Variants in EPB42 observed in about 807,000 individuals in gnomAD.
EPB42 encodes erythrocyte membrane protein band 4.2.
In EPB42, 49 loss-of-function variants were observed where a neutral mutation model predicts 76.9. The observed-to-expected ratio is 0.64, with a 90% CI of 0.51 to 0.81. The LOEUF is 0.81. EPB42 is among the 30% of genes least tolerant of loss of function. EPB42 has a pLI of 0.00. For missense variants in EPB42, 731 were observed against 867.6 expected (o/e 0.84, Z 1.98); for synonymous variants, 310 against 338.4 (o/e 0.92, Z 0.92).
At chr15:43,224,759 C>T (rs1195837423), upstream of EPB42, among the ~76,000 whole-genome samples, 1 of 152,168 alleles carries the variant, frequency 6.6e-6, no homozygotes, top group Non-Finnish European at 1.5e-5. Flanking sequence ...GTGGAACAAT[C>T]TCCAAGCTTG....
At position 43,209,279 on chromosome 15, in the gene EPB42, C is replaced by A; in HGVS notation, c.827G>T (p.Cys276Phe). 1 of 1,614,094 alleles carries A rather than the reference C, an allele frequency of 6.2e-7. No homozygotes were observed. The highest frequency in any genetic ancestry group is 1.1e-5 in the South Asian group (1 of 91,084). ...CAGGAGACAAGGGGACCAACCTGTG[C>A]AAGCAACAGCAGCCAACACCCAGGC... ...GQAWVLAAVA[C>F]TVLRCLGIPA... Residue 276 changes from cysteine to phenylalanine, a missense_variant, in exon 6 of 13, where the codon TGC (cysteine) becomes TTC (phenylalanine). Physicochemically the swap from Cys to Phe is radical, Grantham distance 205. Coordinates refer to ENST00000441366, the MANE Select transcript of EPB42 (RefSeq NM_001114134.2).
At chr15:43,207,090 T>G in intron 9 of EPB42, 109 bp downstream of exon 9, 1 of 1,522,708 alleles carries the variant, frequency 6.6e-7, no homozygotes, top group Non-Finnish European at 9.0e-7. Context: ...CTGTTTTATA[T>G]GATGCGGAAA....
intron 7 of EPB42, 147 bp from the exon 8 acceptor site, chr15:43,208,480 G>T: frequency 5.0e-6 from 7 of 1,405,818 alleles, no homozygotes; most frequent in Non-Finnish European, 7.0e-6. Context: ...AGGAAGGGGC[G>T]TGCACACCAT....
chr15:43,222,242 T>C (rs1404614990), upstream of EPB42, among the ~76,000 whole-genome samples: 1 of 152,192 alleles, frequency 6.6e-6, no homozygotes, highest in Non-Finnish European at 1.5e-5. Context: ...ACAATGATTA[T>C]AAAAGGTAAT....
chr15:43,211,643 G>A (rs1034137444), intron 3 of EPB42, 109 bp from the exon 4 acceptor site: 26 of 796,124 alleles, frequency 3.3e-5, no homozygotes, highest in South Asian at 8.1e-5. Flanking sequence ...AGGCCACCCC[G>A]TCAGCTCTGG....
chr15:43,197,328 C>G lies in EPB42; in HGVS notation c.2050G>C (p.Val684Leu). 6.2e-7 allele frequency: 1 copy of G among 1,614,184 alleles called. No individual in the cohort carries two copies. The highest frequency in any genetic ancestry group is 2.2e-5 in the East Asian group (1 of 44,884). Reference protein sequence around the residue: ...QNLTNYKSVTVVAPELSA With the variant: ...QNLTNYKSVTLVAPELSA ...TAAGCTGATAGTTCAGGGGCTACCA[C>G]GGTGACGCTTTTATAGTTGGTTAGG... Residue 684 changes from valine to leucine, a missense_variant, in exon 13 of 13, where the codon GTG becomes CTG. Coordinates refer to ENST00000441366, the MANE Select transcript of EPB42 (RefSeq NM_001114134.2).
chr15:43,208,818 C>A lies in EPB42; in HGVS notation c.833-43G>T, dbSNP rs779450688. ...GAGTGTCAGGGGGCGCTTGAGAGAC[C>A]GGGCTGGGGGCGTGTGGGAGGCTAG... is the stretch of plus-strand genomic sequence containing the variant. On this transcript the variant is annotated intron_variant, in intron 6 of 12. Coordinates refer to ENST00000441366, the MANE Select transcript of EPB42 (RefSeq NM_001114134.2). The A allele has an allele frequency of 1.9e-6, 3 of 1,604,054 alleles. No individual in the cohort carries two copies. The African/African-American group carries it at 4.0e-5, about 21-fold the overall frequency.
At chr15:43,214,573 G>C in intron 3 of EPB42, among the ~76,000 whole-genome samples, 1 of 152,274 alleles carries the variant, frequency 6.6e-6, no homozygotes, top group Non-Finnish European at 1.5e-5. Context: ...CTGGTCGGCC[G>C]GGGAGCCTTA....
intron 5 of EPB42, chr15:43,209,665 TAAC>T (rs2042262501): frequency 1.9e-6 from 1 of 536,020 alleles, no homozygotes; most frequent in East Asian, 3.0e-5. Flanking sequence ...CCCTCCTTCT[TAAC>T]AAGTTCTCTG....
chr15:43,224,799 C>T (rs371187722), upstream of EPB42, among the ~76,000 whole-genome samples: 345 of 152,332 alleles, frequency 2.3e-3, 3 homozygotes, highest in African/African-American at 7.8e-3. Flanking sequence ...TGTTTTGAGA[C>T]AGGGTCTTGC....
rs775353426 is a variant in EPB42, at chr15:43,206,610, C to A, written c.1338G>T (p.Glu446Asp). The change falls in exon 10 of 13, where the codon GAG becomes GAT. Residue 446 changes from glutamate to aspartate, a missense_variant. Coordinates refer to ENST00000441366, the MANE Select transcript of EPB42 (RefSeq NM_001114134.2). The surrounding 1 kb of genome is among the most constrained non-coding windows in gnomAD (Gnocchi z 4.7). ...TCTCTTTCTCGACTCTCTCCAGCACCTCTTTTTCCTGAAGAGACCCTGGAG... is the reference window on the plus strand; with the variant it reads ...TCTCTTTCTCGACTCTCTCCAGCACATCTTTTTCCTGAAGAGACCCTGGAG... Reference protein sequence around the residue: ...KYPEGSLQEKEVLERVEKEKM... With the variant: ...KYPEGSLQEKDVLERVEKEKM... 1 of 1,614,188 alleles carries A rather than the reference C, an allele frequency of 6.2e-7. No homozygotes were observed. The highest frequency in any genetic ancestry group is 8.5e-7 in the Non-Finnish European group (1 of 1,180,042).
chr15:43,207,228 T>G lies in EPB42; in HGVS notation c.1289A>C (p.Asp430Ala), dbSNP rs763830537. 1 of 1,614,092 alleles carries G rather than the reference T, an allele frequency of 6.2e-7. No homozygotes were observed. Among genetic ancestry groups the G allele is most frequent in the Non-Finnish European group, 8.5e-7 (1 of 1,179,950 alleles). The change falls in exon 9 of 13, where the codon GAC becomes GCC. Residue 430 changes from aspartate to alanine, a missense_variant. Coordinates refer to ENST00000441366, the MANE Select transcript of EPB42 (RefSeq NM_001114134.2). ...AGGATACTTGTAGTTCTGAGTGATG[T>G]CCTCGCAGCGGTCACTGCCCACACC... ...TKGVGSDRCE[D>A]ITQNYKYPEG... is the part of the protein sequence containing the mutation.
At chr15:43,210,877 A>G (rs2042285281) in intron 4 of EPB42, among the ~76,000 whole-genome samples, 1 of 152,164 alleles carries the variant, frequency 6.6e-6, no homozygotes, top group Admixed American at 6.5e-5. Flanking sequence ...AGCCCCTTAG[A>G]TTACAGAGCA....
In EPB42 at chr15:43,220,801, G is replaced by T. The variant is rs765904843; in HGVS notation, c.10+15C>A. 5.6e-6 allele frequency: 9 copies of T among 1,612,372 alleles called. No homozygotes were observed. In the East Asian group the frequency reaches 1.8e-4, roughly 32 times the overall value. On this transcript the variant is annotated intron_variant, in intron 1 of 12. Transcript: ENST00000441366. The stretch of plus-strand genomic sequence containing the variant: ...TACAGTCCAGCAAGCCCTGTCGAGC[G>T]CTGGCTTGGCTCACCCTGTCCCATG...
At chr15:43,209,547 T>C (rs2042260351) in intron 5 of EPB42, 96 bp from the exon 6 acceptor site, 2 of 1,359,662 alleles carry the variant, frequency 1.5e-6, no homozygotes, top group African/African-American at 1.4e-5. Context: ...ACTCCAACCA[T>C]GGTGAACAGA....
chr15:43,200,814 C>CA (rs1361078444), intron 12 of EPB42, among the ~76,000 whole-genome samples: 2 of 57,162 alleles, frequency 3.5e-5, no homozygotes, highest in Non-Finnish European at 6.1e-5. Flanking sequence ...CAGACTCCAC[C>CA]AAATTTTTTT....
chr15:43,215,239 CCTCCACCACTGCA>C lies in EPB42; in HGVS notation c.273_285del (p.Ser91ArgfsTer12). ...ATGGTCCAGGACTGGGCATCTCTCT[CCTCCACCACTGCA>C]CTCCACCACTTTCGGTCCCCCAGAC... On this transcript the variant is annotated frameshift_variant, in exon 3 of 13. Transcript: ENST00000441366. LOFTEE classifies it high-confidence loss of function. The C allele has an allele frequency of 1.9e-6, 3 of 1,614,200 alleles. No individual in the cohort carries two copies. The highest frequency in any genetic ancestry group is 2.5e-6 in the Non-Finnish European group (3 of 1,180,028).
At chr15:43,210,256 G>A in intron 5 of EPB42, 79 bp downstream of exon 5, 1 of 1,289,890 alleles carries the variant, frequency 7.8e-7, no homozygotes, top group Non-Finnish European at 1.1e-6. Context: ...GGTTTCTGAG[G>A]CCACGGTGGT....
chr15:43,224,353 T>C (rs2042489266), upstream of EPB42, among the ~76,000 whole-genome samples: 1 of 152,240 alleles, frequency 6.6e-6, no homozygotes, highest in African/African-American at 2.4e-5. Context: ...CTTCAACATA[T>C]GAATTTTTGG....
Sources: gnomAD v4.1 joint callset for allele counts (sites outside exome capture counted in the v4.1 genomes callset) on GRCh38, gnomAD v4.1.1 for gene constraint, Gnocchi (gnomAD v3.1) non-coding constraint, MANE v1.5 for transcripts, NCBI Gene and HGNC (gene_info 2026-07-23, HGNC 2026-07-21) for gene names.